The following CDHR4 variants were observed in gnomAD, a reference collection of about 807,000 sequenced individuals.
CDHR4 encodes the protein cadherin-related family member 4.
Under a neutral mutation model 88.4 loss-of-function variants are expected in CDHR4, and 89 were observed. The observed-to-expected ratio is 1.01, with a 90% CI of 0.85 to 1.20. The LOEUF (loss-of-function observed/expected upper bound fraction) is 1.20. CDHR4 is among the 50% of genes most tolerant of loss of function. The pLI is 0.00. For missense variants in CDHR4, 914 were observed against 1,007.2 expected, an observed-to-expected ratio of 0.91 and a Z score of 1.25; for synonymous variants, 368 against 399.2, an observed-to-expected ratio of 0.92 and a Z score of 0.93.
At position 49,793,236 on chromosome 3, in the gene CDHR4, C is replaced by T. The variant is rs148137199; in HGVS notation, c.1699G>A (p.Val567Met). The change falls in exon 13 of 19, where the codon GTG (valine) becomes ATG (methionine). Residue 567 changes from valine to methionine, a missense_variant. Physicochemically the swap from Val to Met is conservative, Grantham distance 21 (BLOSUM62 1). Transcript: ENST00000412678. ...LTIYAPLGRS[V>M]EVTKMSCQIP... ...TGGCATGACATCTTGGTCACCTCCA[C>T]GCTACGGCCCAGAGGAGCATAGATG... 19 of 1,551,688 alleles carry T rather than the reference C, an allele frequency of 1.2e-5. No individual in the cohort carries two copies. Among genetic ancestry groups the T allele is most frequent in the Admixed American group, 9.8e-5 (5 of 51,008 alleles).
At position 49,795,101 on chromosome 3, in the gene CDHR4, C is replaced by T; in HGVS notation, c.1032-1G>A. On this transcript the variant is annotated splice_acceptor_variant, in intron 8 of 18. Transcript: ENST00000412678. LOFTEE classifies it high-confidence loss of function. This position sits in a 1 kb window ranked among gnomAD's most constrained non-coding sequence, Gnocchi z 5.4. ...GGGTGCAGTCTCCGGGATTTGGGAC[C>T]TGAGAGTATGCAGTGGCAGCAAGGC... 1 of 1,551,634 alleles carries T rather than the reference C, an allele frequency of 6.4e-7. No individual in the cohort carries two copies. Among genetic ancestry groups the T allele is most frequent in the Non-Finnish European group, 8.7e-7 (1 of 1,146,984 alleles).
At chr3:49,794,132 C>T in intron 10 of CDHR4, 126 bp from the exon 11 acceptor site, 1 of 910,120 alleles carries the variant, frequency 1.1e-6, no homozygotes, top group Non-Finnish European at 1.7e-6. Flanking sequence ...GGCGTGGTGG[C>T]TCACGCCTGT....
At chr3:49,801,594 T>C (rs935400283), upstream of CDHR4, among the ~76,000 whole-genome samples, 2 of 152,236 alleles carry the variant, frequency 1.3e-5, no homozygotes, top group South Asian at 2.1e-4. Flanking sequence ...TAAATGATCA[T>C]TGGATTTTCC....
At position 49,799,100 on chromosome 3, in the gene CDHR4, C is replaced by T. The variant is rs1336232869; in HGVS notation, c.297G>A (p.Val99=). Residue 99 remains valine, a synonymous_variant, in exon 3 of 19, where the codon GTG becomes GTA. Transcript: ENST00000412678. ...LDALMVNHYK[V]QLKFTCGNHV... Reference sequence around the variant, plus strand: ...GGTTGCCACATGTGAACTTCAGCTGCACCTTGTAGTGGTTCACCATCAGGG... The same window carrying T: ...GGTTGCCACATGTGAACTTCAGCTGTACCTTGTAGTGGTTCACCATCAGGG... 6.3e-7 allele frequency: 1 copy of T among 1,576,532 alleles called. No individual in the cohort carries two copies. The highest frequency in any genetic ancestry group is 8.6e-7 in the Non-Finnish European group (1 of 1,160,736).
chr3:49,795,062 A>C lies in CDHR4; in HGVS notation c.1070T>G (p.Leu357Arg). The C allele has an allele frequency of 6.4e-7, 1 of 1,551,730 alleles. No individual in the cohort carries two copies. The highest frequency in any genetic ancestry group is 8.7e-7 in the Non-Finnish European group (1 of 1,146,998). ...IPETAPVGTV[L>R]NTLTCEDPDS... ...CGGATCTTCGCAAGTGAGAGTATTC[A>C]GCACGGTGCCCACGGGTGCAGTCTC... The change falls in exon 9 of 19, where the codon CTG (leucine) becomes CGG (arginine). Residue 357 changes from leucine (L) to arginine (R), a missense_variant. Transcript: ENST00000412678. This position sits in a 1 kb window ranked among gnomAD's most constrained non-coding sequence, Gnocchi z 5.4.
In CDHR4 at chr3:49,792,468, C is replaced by A. The variant is rs1453764212; in HGVS notation, c.2138G>T (p.Gly713Val). The change falls in exon 15 of 19, where the codon GGG (glycine) becomes GTG (valine). Residue 713 changes from glycine to valine, a missense_variant and splice_region_variant. Transcript: ENST00000412678. ...LGWLLGRLLQGLAQLLQAPSK... is the reference protein window; with the variant it reads ...LGWLLGRLLQVLAQLLQAPSK... ...GGGAGCACAAGGATAGGATCCCTAC[C>A]CCTGGAGGAGCCTGCCAAGAAGCCA... 2.6e-6 allele frequency: 4 copies of A among 1,551,532 alleles called. No individual in the cohort carries two copies. Among genetic ancestry groups the A allele is most frequent in the Non-Finnish European group, 2.6e-6 (3 of 1,146,912 alleles).
rs2081251737 is a variant in CDHR4 at position 49,795,247 on chromosome 3, T to C, written c.980A>G (p.Asn327Ser). The C allele has an allele frequency of 1.6e-5, 25 of 1,551,584 alleles. No individual in the cohort carries two copies. Among genetic ancestry groups the C allele is most frequent in the Non-Finnish European group, 2.1e-5 (24 of 1,146,958 alleles). ...WASAKLNLTM[N>S]VQLVNLWPPR... ...AGGCCAGAGGTTGACCAGCTGCACA[T>C]TCATGGTGAGATTGAGCTTGGCACT... is the stretch of plus-strand genomic sequence containing the variant. The change falls in exon 8 of 19, where the codon AAT (asparagine) becomes AGT (serine). Residue 327 changes from asparagine to serine, a missense_variant. By Grantham distance (46) the Asn-to-Ser change is conservative. Coordinates refer to ENST00000412678, the MANE Select transcript of CDHR4 (RefSeq NM_001007540.4). The surrounding 1 kb of genome is among the most constrained non-coding windows in gnomAD (Gnocchi z 5.4).
rs2081261676 is a variant in CDHR4, at chr3:49,795,753, T to C, written c.722A>G (p.Gln241Arg). 6.4e-7 allele frequency: 1 copy of C among 1,551,576 alleles called. No individual in the cohort carries two copies. Among genetic ancestry groups the C allele is most frequent in the African/African-American group, 1.4e-5 (1 of 73,044 alleles). The change falls in exon 7 of 19, where the codon CAG (glutamine) becomes CGG (arginine). Residue 241 changes from glutamine (Q) to arginine (R), a missense_variant. Gln to Arg is a conservative substitution (Grantham distance 43). Coordinates refer to ENST00000412678, the MANE Select transcript of CDHR4 (RefSeq NM_001007540.4). The surrounding 1 kb of genome is among the most constrained non-coding windows in gnomAD (Gnocchi z 5.4). ...CAGATTCTCAGGGATGGTGATATTCTGAGCCTGCTCGCTGGACCAAAAGGG... is the reference window on the plus strand; with the variant it reads ...CAGATTCTCAGGGATGGTGATATTCCGAGCCTGCTCGCTGGACCAAAAGGG... ...SSQVSFLEQA[Q>R]NITIPENLAP...
intron 1 of CDHR4, 57 bp downstream of exon 1, chr3:49,799,707 G>A: frequency 6.4e-7 from 1 of 1,569,966 alleles, no homozygotes; most frequent in Non-Finnish European, 8.8e-7. Context: ...TAGCTTATCT[G>A]GGAAGGGTCA....
At chr3:49,798,722 G>T (rs762390741) in intron 4 of CDHR4, 104 bp downstream of exon 4, 2 of 1,093,302 alleles carry the variant, frequency 1.8e-6, no homozygotes, top group Non-Finnish European at 2.6e-6. Context: ...TGCCTCTGCT[G>T]CAAGGTTCCT....
In CDHR4 at chr3:49,793,036, G is replaced by C. The variant is rs1316008304; in HGVS notation, c.1813C>G (p.Leu605Val). Residue 605 changes from leucine to valine, a missense_variant, in exon 14 of 19, where the codon CTG (leucine) becomes GTG (valine). By Grantham distance (32) the Leu-to-Val change is conservative. Transcript: ENST00000412678. ...QNRFILQGAI[L>V]VHSDLVLGPF... ...CCCAACACAAGGTCACTGTGCACCA[G>C]GATGGCCCCTTGCAGGATGAATCGG... 1.9e-6 allele frequency: 3 copies of C among 1,551,606 alleles called. No individual in the cohort carries two copies. Among genetic ancestry groups the C allele is most frequent in the Non-Finnish European group, 2.6e-6 (3 of 1,147,000 alleles).
chr3:49,798,796 G>A (rs1306143675), intron 4 of CDHR4, 30 bp downstream of exon 4: 17 of 1,602,514 alleles, frequency 1.1e-5, no homozygotes, highest in Admixed American at 1.7e-5. Context: ...CCCCCATCCT[G>A]TCACCCACCG....
Position 49,799,102 on chromosome 3 carries a change from C to A in CDHR4, c.295G>T (p.Val99Leu). ...LDALMVNHYK[V>L]QLKFTCGNHV... Reference sequence around the variant, plus strand: ...TTGCCACATGTGAACTTCAGCTGCACCTTGTAGTGGTTCACCATCAGGGCA... The same window carrying A: ...TTGCCACATGTGAACTTCAGCTGCAACTTGTAGTGGTTCACCATCAGGGCA... Residue 99 changes from valine to leucine, a missense_variant, in exon 3 of 19, where the codon GTG (valine) becomes TTG (leucine). Transcript: ENST00000412678. 1.3e-6 allele frequency: 2 copies of A among 1,576,108 alleles called. No individual in the cohort carries two copies. The highest frequency in any genetic ancestry group is 8.6e-7 in the Non-Finnish European group (1 of 1,160,516).
Position 49,795,613 on chromosome 3 carries a change from C to G in CDHR4, c.847+15G>C. 6.4e-7 allele frequency: 1 copy of G among 1,551,554 alleles called. No homozygotes were observed. The highest frequency in any genetic ancestry group is 8.7e-7 in the Non-Finnish European group (1 of 1,146,942). On this transcript the variant is annotated intron_variant, in intron 7 of 18. Coordinates refer to ENST00000412678, the MANE Select transcript of CDHR4 (RefSeq NM_001007540.4). The surrounding 1 kb of genome is among the most constrained non-coding windows in gnomAD (Gnocchi z 5.4). ...GGCATCCCAGTACCTGCCCCCACCC[C>G]CCAACACCTCTCACCACGACCAATG...
At position 49,795,763 on chromosome 3, in the gene CDHR4, C is replaced by T. The variant is rs772919585; in HGVS notation, c.712G>A (p.Glu238Lys). The T allele has an allele frequency of 1.1e-5, 17 of 1,551,498 alleles. No individual in the cohort carries two copies. The highest frequency in any genetic ancestry group is 5.5e-5 in the African/African-American group (4 of 73,028). ...PVPSSQVSFL[E>K]QAQNITIPEN... ...GGGATGGTGATATTCTGAGCCTGCT[C>T]GCTGGACCAAAAGGGGGGCACTGGT... The change falls in exon 7 of 19, where the codon GAG (glutamate) becomes AAG (lysine). Residue 238 changes from glutamate (E) to lysine (K), a missense_variant and splice_region_variant. By Grantham distance (56) the Glu-to-Lys change is moderately conservative (BLOSUM62 1). Coordinates refer to ENST00000412678, the MANE Select transcript of CDHR4 (RefSeq NM_001007540.4). This position sits in a 1 kb window ranked among gnomAD's most constrained non-coding sequence, Gnocchi z 5.4.
Position 49,799,316 on chromosome 3 carries a change from AT to A in CDHR4, c.170del (p.Asn57MetfsTer25). Reference sequence around the variant, plus strand: ...TGAAGAAGGTGGTGGGTGGCTGGACATTGAGCAACTCCAGGGTGGGTGTGGG... The same window carrying A: ...TGAAGAAGGTGGTGGGTGGCTGGACATGAGCAACTCCAGGGTGGGTGTGGG... ...YTPTPTLELL[N>X]VQPPTTFFNP... On this transcript the variant is annotated frameshift_variant, in exon 2 of 19. Transcript: ENST00000412678. LOFTEE classifies it high-confidence loss of function. 1 of 1,613,970 alleles carries A rather than the reference AT, an allele frequency of 6.2e-7. No homozygotes were observed. Among genetic ancestry groups the A allele is most frequent in the Non-Finnish European group, 8.5e-7 (1 of 1,179,858 alleles).
At chr3:49,802,767 C>A (rs936434681), upstream of CDHR4, among the ~76,000 whole-genome samples, 1 of 152,228 alleles carries the variant, frequency 6.6e-6, no homozygotes, top group African/African-American at 2.4e-5. Context: ...TCGGTTGGGA[C>A]GCGGCTGAGG....
upstream of CDHR4, among the ~76,000 whole-genome samples, chr3:49,801,733 C>G (rs1156824067): frequency 6.6e-6 from 1 of 152,244 alleles, no homozygotes; most frequent in East Asian, 1.9e-4. Flanking sequence ...CATGCATCAG[C>G]AAGACTTGAT....
chr3:49,791,490 A>G (rs79506995), intron 17 of CDHR4, 22 bp from the exon 18 acceptor site: 2 of 1,540,740 alleles, frequency 1.3e-6, no homozygotes, highest in Non-Finnish European at 1.7e-6. Flanking sequence ...AAAAAAAAAA[A>G]GATGCAATGA....
Sources: gnomAD v4.1 joint callset for allele counts (sites outside exome capture counted in the v4.1 genomes callset) on GRCh38, gnomAD v4.1.1 for gene constraint, Gnocchi (gnomAD v3.1) non-coding constraint, MANE v1.5 for transcripts, NCBI Gene and HGNC (gene_info 2026-07-23, HGNC 2026-07-21) for gene names.